NFIA: variants seen among roughly 807,000 people sequenced by gnomAD.
NFIA encodes nuclear factor I A.
In NFIA, 8 loss-of-function variants were observed where a neutral mutation model predicts 62.8. That is an observed-to-expected ratio of 0.13 (90% CI 0.07 to 0.23). NFIA has a LOEUF of 0.23. Ranked by LOEUF, NFIA falls within the 10% of genes least tolerant of loss-of-function variation. The pLI is 1.00. For synonymous variants in NFIA, 235 were observed against 238.1 expected (o/e 0.99, Z 0.12); for missense variants, 410 against 642.1 (o/e 0.64, Z 3.91).
chr1:61,367,759 G>T (rs539223904), intron 6 of NFIA, among the ~76,000 whole-genome samples: 1 of 152,054 alleles, frequency 6.6e-6, no homozygotes, highest in Admixed American at 6.6e-5. Flanking sequence ...GAGTCTAAAA[G>T]GTTACCTCTT....
chr1:61,300,851 A>G (rs1306004125), intron 3 of NFIA, among the ~76,000 whole-genome samples: 4 of 152,116 alleles, frequency 2.6e-5, no homozygotes, highest in Non-Finnish European at 4.4e-5. Context: ...GAATACATAC[A>G]GTAAGATAGA....
At chr1:61,325,775 G>A (rs1295039306) in intron 3 of NFIA, among the ~76,000 whole-genome samples, 1 of 151,806 alleles carries the variant, frequency 6.6e-6, no homozygotes, top group African/African-American at 2.4e-5. Flanking sequence ...AAAATTAGCA[G>A]GGCGTGGTGG....
intron 2 of NFIA, among the ~76,000 whole-genome samples, chr1:61,178,206 C>A (rs1650526644): frequency 6.6e-6 from 1 of 152,140 alleles, no homozygotes; most frequent in East Asian, 1.9e-4. Context: ...AGGGTGATAT[C>A]ACCCACACTG....
In NFIA at chr1:61,455,474, A is replaced by AG; in HGVS notation, c.*155dup. On this transcript the variant is annotated 3_prime_UTR_variant, in exon 11 of 11. Coordinates refer to ENST00000403491, the MANE Select transcript of NFIA (RefSeq NM_001134673.4). Reference sequence around the variant, plus strand: ...AATCAACTTGTACATGGAAACAGCAAGCATTATGGTCAAACAGCAAAGGCC... The same window carrying AG: ...AATCAACTTGTACATGGAAACAGCAAGGCATTATGGTCAAACAGCAAAGGCC... 1 of 1,260,614 alleles carries AG rather than the reference A, an allele frequency of 7.9e-7. No homozygotes were observed. Among genetic ancestry groups the AG allele is most frequent in the Non-Finnish European group, 1.1e-6 (1 of 880,758 alleles). The allele number at this position is 1,260,614 out of a possible 1,614,324, so 78.1% of individuals were successfully genotyped here.
At position 61,332,542 on chromosome 1, in the gene NFIA, C is replaced by T. The variant is rs372768940; in HGVS notation, c.656C>T (p.Thr219Ile). 5.0e-6 allele frequency: 8 copies of T among 1,614,020 alleles called. No homozygotes were observed. The African/African-American group carries it at 5.3e-5, about 11-fold the overall frequency. Residue 219 changes from threonine (T) to isoleucine (I), a missense_variant, in exon 4 of 11, where the codon ACA becomes ATA. Thr to Ile is a moderately conservative substitution (Grantham distance 89, BLOSUM62 -1). Around this residue, in one of 3 missense-constraint regions of NFIA, gnomAD observed 298 missense variants for 438.1 expected, o/e 0.68. Coordinates refer to ENST00000403491, the MANE Select transcript of NFIA (RefSeq NM_001134673.4). ...TTGGGCTTCCAGGACAGTTTTGTCA[C>T]ATCAGGTGTTTTTAGTGTCACTGAG... ...GHLGFQDSFV[T>I]SGVFSVTELV...
At chr1:61,342,782 T>C (rs1244874008) in intron 4 of NFIA, among the ~76,000 whole-genome samples, 1 of 152,230 alleles carries the variant, frequency 6.6e-6, no homozygotes, top group African/African-American at 2.4e-5. Context: ...ACACTAGAAA[T>C]GTGAATTTCA....
At chr1:61,341,727 C>T (rs553145014) in intron 4 of NFIA, among the ~76,000 whole-genome samples, 2 of 152,230 alleles carry the variant, frequency 1.3e-5, no homozygotes, top group Admixed American at 1.3e-4. Flanking sequence ...ATCTGCCTGC[C>T]TTGGCCTCCC....
intron 2 of NFIA, among the ~76,000 whole-genome samples, chr1:61,139,662 A>G (rs1647350946): frequency 6.6e-6 from 1 of 152,092 alleles, no homozygotes. Context: ...GTTCATGAAC[A>G]TGTACAGTTA....
chr1:61,324,620 C>G (rs1032607805), intron 3 of NFIA, among the ~76,000 whole-genome samples: 2 of 152,170 alleles, frequency 1.3e-5, no homozygotes, highest in Non-Finnish European at 2.9e-5. Flanking sequence ...GTGGTTTGTT[C>G]CCAGGTGTCT....
intron 3 of NFIA, among the ~76,000 whole-genome samples, chr1:61,305,244 C>A (rs2100337178): frequency 6.6e-6 from 1 of 151,986 alleles, no homozygotes; most frequent in Non-Finnish European, 1.5e-5. Context: ...GAGGCAAATA[C>A]AAAGGGGAAG....
chr1:61,094,736 G>C (rs1646381589), intron 2 of NFIA, among the ~76,000 whole-genome samples: 1 of 152,152 alleles, frequency 6.6e-6, no homozygotes, highest in African/African-American at 2.4e-5. Context: ...TTGCTGCTTA[G>C]ACAGAAATGA....
intron 8 of NFIA, among the ~76,000 whole-genome samples, chr1:61,405,842 T>C (rs1448589398): frequency 1.3e-5 from 2 of 152,210 alleles, no homozygotes; most frequent in Non-Finnish European, 2.9e-5. Context: ...TTTGGTTGTT[T>C]TAACATCAGG....
At chr1:61,078,364 T>TA (rs150198572), upstream of NFIA, among the ~76,000 whole-genome samples, 3,082 of 152,342 alleles carry the variant, frequency 0.02, 89 homozygotes, top group African/African-American at 0.058. Flanking sequence ...AACTTTGTAT[T>TA]GTTATTAACT....
intron 10 of NFIA, among the ~76,000 whole-genome samples, chr1:61,452,950 G>A (rs554051801): frequency 6.6e-6 from 1 of 152,232 alleles, no homozygotes; most frequent in South Asian, 2.1e-4. Context: ...AAAAGAGGTG[G>A]GGGGCTGATG....
intron 6 of NFIA, among the ~76,000 whole-genome samples, chr1:61,376,218 T>C (rs1201419952): frequency 1.3e-5 from 2 of 152,190 alleles, no homozygotes; most frequent in African/African-American, 2.4e-5. Context: ...GTGTGTGTTA[T>C]AGCCTCTGGT....
In NFIA at chr1:61,380,033, C is replaced by T. The variant is rs57856622; in HGVS notation, c.947-3204C>T. On this transcript the variant is annotated intron_variant, in intron 6 of 10. Transcript: ENST00000403491. Reference sequence around the variant, plus strand: ...GTCTACTGAACACAATTTGGAATGACTCATATAGCTTAGAAAAAAATGGCA... The same window carrying T: ...GTCTACTGAACACAATTTGGAATGATTCATATAGCTTAGAAAAAAATGGCA... 5.0e-3 allele frequency among the ~76,000 whole-genome samples: 756 copies of T among 151,576 alleles called. 6 individuals carry two copies. Among genetic ancestry groups the T allele is most frequent in the African/African-American group, 0.017 (685 of 41,400 alleles).
chr1:61,110,685 G>A (rs1337791600), intron 2 of NFIA, among the ~76,000 whole-genome samples: 5 of 151,994 alleles, frequency 3.3e-5, no homozygotes, highest in Non-Finnish European at 5.9e-5. Context: ...ACTACTTTTA[G>A]AGGATTTATA....
upstream of NFIA, chr1:61,081,896 G>GA: frequency 6.5e-7 from 1 of 1,546,038 alleles, no homozygotes. Flanking sequence ...TTCAGTGGGG[G>GA]AAAAAAAGTT....
At position 61,210,142 on chromosome 1, in the gene NFIA, G is replaced by A. The variant is rs953037419; in HGVS notation, c.560-67378G>A. ...ATAAAAACTGGGATGACAGAATCAC[G>A]GGGAAGGGTATAATACCTTTGGGTT... On this transcript the variant is annotated intron_variant, in intron 2 of 10. Transcript: ENST00000403491. Among the ~76,000 whole-genome samples, 27 of 152,120 alleles carry A rather than the reference G, an allele frequency of 1.8e-4. 1 individual carries two copies. The highest frequency in any genetic ancestry group is 1.7e-3 in the Admixed American group (26 of 15,264).
Sources: gnomAD v4.1 joint callset for allele counts (sites outside exome capture counted in the v4.1 genomes callset) on GRCh38, gnomAD v4.1.1 for gene constraint, gnomAD v4.1.1 regional missense constraint, MANE v1.5 for transcripts, NCBI Gene and HGNC (gene_info 2026-07-23, HGNC 2026-07-21) for gene names.